CCDC171: variants seen among roughly 807,000 people sequenced by gnomAD.
CCDC171 encodes coiled-coil domain-containing protein 171.
A neutral mutation model predicts 168.2 loss-of-function variants in CCDC171; 177 were observed. That is an observed-to-expected ratio of 1.05 (90% CI 0.93 to 1.19). The LOEUF is 1.19. Among genes scored for constraint, CCDC171 ranks in the 50% most tolerant of loss-of-function variants. The probability of loss-of-function intolerance (pLI) is 0.00; values close to 1 mark genes in which losing one functional copy is unlikely to be tolerated. For synonymous variants in CCDC171, 687 were observed against 540.8 expected (o/e 1.27, Z -3.75); for missense variants, 1,991 against 1,539.0 (o/e 1.29, Z -4.91).
chr9:15,995,590 G>T (rs564628610), intron 3 of CCDC171, among the ~76,000 whole-genome samples: 3 of 152,096 alleles, frequency 2.0e-5, no homozygotes, highest in African/African-American at 7.2e-5. Context: ...GTTTTTCTGG[G>T]GCAATAATAC....
intron 21 of CCDC171, among the ~76,000 whole-genome samples, chr9:15,792,043 G>T (rs946522220): frequency 4.6e-5 from 7 of 152,220 alleles, no homozygotes; most frequent in East Asian, 1.9e-4. Flanking sequence ...GGAGGAAGTT[G>T]GAACCCATCG....
chr9:15,606,730 G>C (rs947931060), intron 6 of CCDC171, among the ~76,000 whole-genome samples: 1 of 152,166 alleles, frequency 6.6e-6, no homozygotes, highest in East Asian at 1.9e-4. Context: ...GTTTCTGGAA[G>C]ATGTGGAAAG....
At chr9:16,036,585 A>G (rs549342659) in intron 8 of CCDC171, among the ~76,000 whole-genome samples, 1 of 152,356 alleles carries the variant, frequency 6.6e-6, no homozygotes, top group South Asian at 2.1e-4. Context: ...TGGAGCTTTC[A>G]GTGAGTGGAG....
At chr9:16,094,096 G>A in the CCDC171 span, among the ~76,000 whole-genome samples, 3 of 152,198 alleles carry the variant, frequency 2.0e-5, no homozygotes, top group Admixed American at 6.5e-5. Flanking sequence ...ACGATAAGCA[G>A]TGTGGGGAGA....
At chr9:16,097,263 T>C in the CCDC171 span, among the ~76,000 whole-genome samples, 3 of 152,226 alleles carry the variant, frequency 2.0e-5, no homozygotes, top group African/African-American at 7.2e-5. Context: ...GGTTCCCACT[T>C]AGGTCAGTAA....
At position 15,821,883 on chromosome 9, in the gene CCDC171, C is replaced by G. The variant is rs1215780824; in HGVS notation, c.3268-24819C>G. Among the ~76,000 whole-genome samples, 2 of 140,466 alleles carry G rather than the reference C, an allele frequency of 1.4e-5. 1 individual carries two copies. Among genetic ancestry groups the G allele is most frequent in the Non-Finnish European group, 3.1e-5 (2 of 63,702 alleles). The allele number at this position is 140,466 out of a possible 152,430, so 92.2% of individuals were successfully genotyped here. The stretch of plus-strand genomic sequence containing the variant: ...AAGAGCCCGCATCGCCAAGTCAATC[C>G]TAAGCCAAAAGAACAAAGCTGGAGG... On this transcript the variant is annotated intron_variant, in intron 21 of 25. Transcript: ENST00000380701.
chr9:15,792,988 G>A (rs1342767195), intron 21 of CCDC171, among the ~76,000 whole-genome samples: 1 of 152,188 alleles, frequency 6.6e-6, no homozygotes, highest in Non-Finnish European at 1.5e-5. Flanking sequence ...AACCTTGAAT[G>A]TAAATGGGCT....
chr9:15,815,276 C>G (rs112387261), intron 21 of CCDC171, among the ~76,000 whole-genome samples: 1 of 152,100 alleles, frequency 6.6e-6, no homozygotes, highest in Non-Finnish European at 1.5e-5. Flanking sequence ...TTTTCTCTCC[C>G]ATGTCTCATT....
intron 3 of CCDC171, among the ~76,000 whole-genome samples, chr9:16,016,251 A>G (rs554575103): frequency 6.6e-6 from 1 of 151,882 alleles, no homozygotes; most frequent in African/African-American, 2.4e-5. Flanking sequence ...CTCCATTACT[A>G]CCTCCTCCAA....
At chr9:15,645,313 T>G (rs1233092958) in intron 7 of CCDC171, among the ~76,000 whole-genome samples, 3 of 149,934 alleles carry the variant, frequency 2.0e-5, no homozygotes, top group Non-Finnish European at 3.0e-5. Context: ...AAGCTGAAAA[T>G]TCTAAAAATC....
intron 21 of CCDC171, among the ~76,000 whole-genome samples, chr9:15,826,784 C>G (rs1293300399): frequency 2.0e-5 from 3 of 152,330 alleles, no homozygotes; most frequent in East Asian, 3.9e-4. Context: ...CTAGCAGTCC[C>G]TGCTGTGCCA....
At chr9:15,599,915 T>A (rs1387356787) in intron 6 of CCDC171, among the ~76,000 whole-genome samples, 1 of 152,194 alleles carries the variant, frequency 6.6e-6, no homozygotes. Context: ...CCATCACTGA[T>A]ACCCTTTCTT....
At chr9:15,560,170 T>G (rs2039167602) in intron 1 of CCDC171, among the ~76,000 whole-genome samples, 1 of 152,146 alleles carries the variant, frequency 6.6e-6, no homozygotes, top group Admixed American at 6.5e-5. Context: ...ATTTTTTCCT[T>G]CATTTCAACT....
intron 25 of CCDC171, among the ~76,000 whole-genome samples, chr9:15,961,359 G>C (rs1157672004): frequency 6.6e-6 from 1 of 152,194 alleles, no homozygotes; most frequent in Non-Finnish European, 1.5e-5. Context: ...CCCAGAGAGA[G>C]TGTGACATGT....
At chr9:15,958,594 G>A (rs545239708) in intron 25 of CCDC171, among the ~76,000 whole-genome samples, 1 of 149,620 alleles carries the variant, frequency 6.7e-6, no homozygotes, top group Non-Finnish European at 1.5e-5. Flanking sequence ...AAAGTTTGGG[G>A]TAAAGGTGAT....
At chr9:16,000,977 C>T (rs898072896) in intron 3 of CCDC171, among the ~76,000 whole-genome samples, 16 of 152,074 alleles carry the variant, frequency 1.1e-4, no homozygotes, top group African/African-American at 3.9e-4. Context: ...CTTAGTTTTG[C>T]ACAGTCTGAA....
chr9:15,699,127 C>T (rs1351864913), intron 11 of CCDC171, among the ~76,000 whole-genome samples: 2 of 152,094 alleles, frequency 1.3e-5, no homozygotes, highest in South Asian at 2.1e-4. Context: ...GAGTTTGTTC[C>T]TTCTGGTGTT....
chr9:15,914,253 C>G (rs1277443825), intron 24 of CCDC171, among the ~76,000 whole-genome samples: 3 of 152,154 alleles, frequency 2.0e-5, no homozygotes, highest in Non-Finnish European at 4.4e-5. Context: ...CAGCTGCCCC[C>G]CTTCCCCCAG....
At chr9:15,779,885 A>G (rs2057569187) in intron 20 of CCDC171, among the ~76,000 whole-genome samples, 2 of 152,180 alleles carry the variant, frequency 1.3e-5, no homozygotes, top group South Asian at 2.1e-4. Flanking sequence ...AGACATCCAC[A>G]TATTCTGTTT....
Sources: allele counts gnomAD v4.1 joint callset (sites outside exome capture counted in the v4.1 genomes callset), GRCh38; gene constraint gnomAD v4.1.1; transcripts MANE v1.5; gene names NCBI Gene and HGNC (gene_info 2026-07-23, HGNC 2026-07-21).